The following NLK variants were observed in gnomAD, a reference collection of about 807,000 sequenced individuals.
NLK encodes the protein nemo like kinase, also known as serine/threonine-protein kinase NLK.
A neutral mutation model predicts 59.0 loss-of-function variants in NLK; 11 were observed. That is an observed-to-expected ratio of 0.19 (90% CI 0.12 to 0.31). The LOEUF is 0.31. NLK is among the 10% of genes least tolerant of loss of function. The probability of loss-of-function intolerance (pLI) is 1.00; values close to 1 mark genes in which losing one functional copy is unlikely to be tolerated. For synonymous variants in NLK, 235 were observed against 235.9 expected (o/e 1.00, Z 0.03); for missense variants, 410 against 661.1 (o/e 0.62, Z 4.16).
At chr17:28,080,558 A>G (rs940309448) in intron 1 of NLK, among the ~76,000 whole-genome samples, 1 of 152,188 alleles carries the variant, frequency 6.6e-6, no homozygotes, top group South Asian at 2.1e-4. Context: ...AATTGTGGTT[A>G]TTATTGGTAC....
At chr17:28,069,704 G>A (rs1245161493) in intron 1 of NLK, among the ~76,000 whole-genome samples, 2 of 151,864 alleles carry the variant, frequency 1.3e-5, no homozygotes, top group African/African-American at 2.4e-5. Flanking sequence ...TTCTGTTGAA[G>A]TTTTCCACCC....
intron 1 of NLK, among the ~76,000 whole-genome samples, chr17:28,050,997 A>T (rs529370295): frequency 6.6e-6 from 1 of 151,742 alleles, no homozygotes; most frequent in South Asian, 2.1e-4. Context: ...CTGTAGTCCC[A>T]GCTACTCAGG....
intron 1 of NLK, among the ~76,000 whole-genome samples, chr17:28,074,051 A>T (rs1910094752): frequency 6.6e-6 from 1 of 152,256 alleles, no homozygotes; most frequent in Non-Finnish European, 1.5e-5. Context: ...ATTAAAGCTT[A>T]TTCAACACGT....
chr17:28,145,246 G>T (rs1053550753), intron 3 of NLK, among the ~76,000 whole-genome samples: 7 of 152,010 alleles, frequency 4.6e-5, no homozygotes, highest in African/African-American at 1.7e-4. Context: ...TTGTTTTGGG[G>T]GGATATGGGG....
chr17:28,145,346 T>C (rs1186666280), intron 3 of NLK, among the ~76,000 whole-genome samples: 3 of 152,208 alleles, frequency 2.0e-5, no homozygotes, highest in Admixed American at 6.5e-5. Context: ...TTTATCACTC[T>C]GAGCTCAAGA....
chr17:28,043,964 G>A (rs1567697652), intron 1 of NLK, among the ~76,000 whole-genome samples: 1 of 152,194 alleles, frequency 6.6e-6, no homozygotes, highest in African/African-American at 2.4e-5. Context: ...TACCACAAAT[G>A]AGGTTAGTAG....
intron 1 of NLK, among the ~76,000 whole-genome samples, chr17:28,117,151 G>A (rs149693537): frequency 3.3e-5 from 5 of 152,252 alleles, no homozygotes; most frequent in African/African-American, 9.6e-5. Context: ...CAGATTCCTC[G>A]TAGACATATT....
chr17:28,114,773 A>T (rs961258930), intron 1 of NLK, among the ~76,000 whole-genome samples: 1 of 152,148 alleles, frequency 6.6e-6, no homozygotes, highest in African/African-American at 2.4e-5. Context: ...TTCCATGTGG[A>T]TATTTCATGG....
intron 1 of NLK, chr17:28,047,958 C>T (rs566947457): frequency 2.8e-5 from 11 of 398,280 alleles, no homozygotes; most frequent in Middle Eastern, 6.3e-4. Flanking sequence ...CACTATCAGC[C>T]GAGATTAACA....
chr17:28,112,199 CCTT>C (rs987449818), intron 1 of NLK, among the ~76,000 whole-genome samples: 2 of 152,040 alleles, frequency 1.3e-5, no homozygotes, highest in African/African-American at 2.4e-5. Context: ...GATAGTCTGC[CCTT>C]CTTCTCAACC....
intron 7 of NLK, among the ~76,000 whole-genome samples, chr17:28,175,967 T>G (rs535606207): frequency 6.6e-6 from 1 of 152,246 alleles, no homozygotes; most frequent in Non-Finnish European, 1.5e-5. Context: ...AAAAGGCATT[T>G]GATAAGCTTC....
intron 1 of NLK, among the ~76,000 whole-genome samples, chr17:28,068,657 G>T (rs1909912717): frequency 6.6e-6 from 1 of 152,076 alleles, no homozygotes; most frequent in Admixed American, 6.6e-5. Flanking sequence ...ACTAAAGTTT[G>T]CTAATTGTAT....
intron 7 of NLK, among the ~76,000 whole-genome samples, chr17:28,174,024 C>T (rs969429948): frequency 2.0e-5 from 3 of 152,122 alleles, no homozygotes; most frequent in African/African-American, 7.2e-5. Flanking sequence ...AAACAGCAGC[C>T]TGAAGAACAA....
intron 1 of NLK, among the ~76,000 whole-genome samples, chr17:28,068,293 C>T (rs1156750572): frequency 2.6e-5 from 4 of 151,972 alleles, no homozygotes; most frequent in Admixed American, 1.3e-4. Context: ...CTATAGATTG[C>T]TTAGAAGTGT....
At chr17:28,163,742 T>G (rs944478845) in intron 5 of NLK, 114 bp downstream of exon 5, 8 of 654,224 alleles carry the variant, frequency 1.2e-5, no homozygotes, top group Middle Eastern at 3.5e-4. Flanking sequence ...TACCAAAAGT[T>G]AACCCAGTTT....
intron 3 of NLK, among the ~76,000 whole-genome samples, chr17:28,138,498 T>C (rs1194295603): frequency 6.6e-6 from 1 of 152,216 alleles, no homozygotes; most frequent in Non-Finnish European, 1.5e-5. Flanking sequence ...GAATCTCTTG[T>C]CATAAAGACA....
chr17:28,195,913 G>A lies in NLK; in HGVS notation c.*1277G>A, dbSNP rs980004784. On this transcript the variant is annotated 3_prime_UTR_variant, in exon 11 of 11. Transcript: ENST00000407008. ...GAAAATTGAAGATCATTTTTCACCTGTACAAGGAATACTAATGGATCGTCT... is the reference window on the plus strand; with the variant it reads ...GAAAATTGAAGATCATTTTTCACCTATACAAGGAATACTAATGGATCGTCT... The A allele has an allele frequency of 6.6e-6, 1 of 152,234 alleles. No homozygotes were observed. Among genetic ancestry groups the A allele is most frequent in the Non-Finnish European group, 1.5e-5 (1 of 67,978 alleles). 9.4% of individuals were successfully genotyped at this position (152,234 alleles called of 1,614,324 possible).
intron 1 of NLK, among the ~76,000 whole-genome samples, chr17:28,092,962 A>G (rs1904559017): frequency 1.3e-5 from 2 of 151,774 alleles, no homozygotes; most frequent in South Asian, 4.2e-4. Flanking sequence ...AGCCCAGCTA[A>G]TTTTTGTATT....
At chr17:28,128,888 G>A (rs1906399485) in intron 2 of NLK, among the ~76,000 whole-genome samples, 1 of 152,070 alleles carries the variant, frequency 6.6e-6, no homozygotes, top group Non-Finnish European at 1.5e-5. Context: ...GGTAGCAATT[G>A]GAAACAATAT....
Sources: allele counts gnomAD v4.1 joint callset (sites outside exome capture counted in the v4.1 genomes callset), GRCh38; gene constraint gnomAD v4.1.1; transcripts MANE v1.5; gene names NCBI Gene and HGNC (gene_info 2026-07-23, HGNC 2026-07-21).